The following LGR5 variants were observed in gnomAD, a reference collection of about 807,000 sequenced individuals.
The protein encoded by LGR5 is leucine-rich repeat-containing G protein-coupled receptor 5.
Under a neutral mutation model 76.7 loss-of-function variants are expected in LGR5, and 54 were observed. The ratio of observed to expected loss-of-function variants is 0.70; its 90% CI spans 0.57 to 0.88. The LOEUF is 0.88. Among genes scored for constraint, LGR5 ranks in the 40% least tolerant of loss-of-function variants. The probability of loss-of-function intolerance (pLI) is 0.00; values close to 1 mark genes in which losing one functional copy is unlikely to be tolerated. For missense variants in LGR5, 1,078 were observed against 1,073.3 expected (o/e 1.00, Z -0.06); for synonymous variants, 406 against 421.9 (o/e 0.96, Z 0.46).
At chr12:71,515,105 T>A (rs764936294) in intron 2 of LGR5, among the ~76,000 whole-genome samples, 3 of 152,236 alleles carry the variant, frequency 2.0e-5, no homozygotes, top group Non-Finnish European at 4.4e-5. Context: ...AGTCAATTGC[T>A]GCTGTCATGC....
chr12:71,440,019 C>A lies in LGR5; in HGVS notation c.-62C>A, dbSNP rs894517710. ...GGAGCGGCGCCCGGCGCGCCACGGC[C>A]CGTAGCAGTCCGGTGCTGCTCTCCG... is the stretch of plus-strand genomic sequence containing the variant. On this transcript the variant is annotated 5_prime_UTR_variant, in exon 1 of 18. Coordinates refer to ENST00000266674, the MANE Select transcript of LGR5 (RefSeq NM_003667.4). The surrounding 1 kb of genome is among the most constrained non-coding windows in gnomAD (Gnocchi z 5.3). The A allele has an allele frequency of 9.9e-5, 151 of 1,528,366 alleles. No homozygotes were observed. The highest frequency in any genetic ancestry group is 1.3e-4 in the Non-Finnish European group (140 of 1,118,746). The allele number at this position is 1,528,366 out of a possible 1,614,324, so 94.7% of individuals were successfully genotyped here.
intron 1 of LGR5, among the ~76,000 whole-genome samples, chr12:71,499,530 C>T (rs1206994531): frequency 6.6e-6 from 1 of 152,110 alleles, no homozygotes; most frequent in Non-Finnish European, 1.5e-5. Flanking sequence ...CCACATTAAA[C>T]CAGATTGTGA....
At chr12:71,554,996 C>T (rs1203210296) in intron 5 of LGR5, among the ~76,000 whole-genome samples, 5 of 152,132 alleles carry the variant, frequency 3.3e-5, no homozygotes, top group Non-Finnish European at 7.3e-5. Flanking sequence ...TCAATCATTC[C>T]ACTTGATGAC....
chr12:71,536,815 G>T (rs927247586), intron 4 of LGR5, among the ~76,000 whole-genome samples: 1 of 152,200 alleles, frequency 6.6e-6, no homozygotes, highest in Non-Finnish European at 1.5e-5. Flanking sequence ...GCCTGATAAA[G>T]GTGTTCAGAT....
intron 1 of LGR5, chr12:71,448,464 T>A (rs191366772): frequency 1.4e-3 from 218 of 152,338 alleles, no homozygotes; most frequent in African/African-American, 5.0e-3. Flanking sequence ...GAACTTCCAA[T>A]GTGTTGTGTT....
intron 1 of LGR5, among the ~76,000 whole-genome samples, chr12:71,491,745 T>C (rs755257813): frequency 6.7e-5 from 10 of 149,750 alleles, no homozygotes; most frequent in Non-Finnish European, 1.5e-4. Flanking sequence ...TATTGGCTCT[T>C]CTTATCAAGT....
At chr12:71,505,041 G>A (rs10506635) in intron 2 of LGR5, among the ~76,000 whole-genome samples, 7,616 of 152,206 alleles carry the variant, frequency 0.05, 241 homozygotes, top group Non-Finnish European at 0.074. Context: ...TATTAAAATC[G>A]CAAGTAAAGC....
intron 1 of LGR5, among the ~76,000 whole-genome samples, chr12:71,492,424 A>G (rs1274563520): frequency 6.6e-6 from 1 of 152,048 alleles, no homozygotes; most frequent in African/African-American, 2.4e-5. Context: ...TTGATTTGAA[A>G]CCCCCACCAC....
intron 1 of LGR5, among the ~76,000 whole-genome samples, chr12:71,502,351 C>T (rs1239999233): frequency 1.3e-5 from 2 of 152,004 alleles, no homozygotes; most frequent in South Asian, 2.1e-4. Flanking sequence ...GTGCCCACCA[C>T]CATGCCCGGC....
chr12:71,440,367 G>A lies in LGR5; in HGVS notation c.212+75G>A. Reference sequence around the variant, plus strand: ...AGGTTCGTCCAAGGCGAGGCTGGAGGCTCCTCGGCGCCCGCCTGCTCGTGG... The same window carrying A: ...AGGTTCGTCCAAGGCGAGGCTGGAGACTCCTCGGCGCCCGCCTGCTCGTGG... On this transcript the variant is annotated intron_variant, in intron 1 of 17. Coordinates refer to ENST00000266674, the MANE Select transcript of LGR5 (RefSeq NM_003667.4). This position sits in a 1 kb window ranked among gnomAD's most constrained non-coding sequence, Gnocchi z 5.3. 1 of 1,424,744 alleles carries A rather than the reference G, an allele frequency of 7.0e-7. No individual in the cohort carries two copies. Among genetic ancestry groups the A allele is most frequent in the Admixed American group, 1.8e-5 (1 of 54,394 alleles). The allele number at this position is 1,424,744 out of a possible 1,614,324, so 88.3% of individuals were successfully genotyped here. A position where few individuals can be genotyped will look rare whatever the true frequency, so the allele number is the denominator to read the frequency against.
At chr12:71,550,291 C>T (rs1877411838) in intron 4 of LGR5, among the ~76,000 whole-genome samples, 1 of 151,158 alleles carries the variant, frequency 6.6e-6, no homozygotes. Flanking sequence ...GCTGGGATTA[C>T]AGGCATGCAC....
intron 1 of LGR5, among the ~76,000 whole-genome samples, chr12:71,465,420 G>A (rs774788770): frequency 3.3e-5 from 5 of 152,012 alleles, no homozygotes; most frequent in East Asian, 3.9e-4. Flanking sequence ...TGTTTCAAAG[G>A]CTCCTTTAAC....
At chr12:71,500,253 AC>A (rs943738610) in intron 1 of LGR5, among the ~76,000 whole-genome samples, 2 of 152,312 alleles carry the variant, frequency 1.3e-5, no homozygotes, top group Admixed American at 1.3e-4. Flanking sequence ...AAGAAACAGT[AC>A]CTTTAATTAT....
intron 3 of LGR5, among the ~76,000 whole-genome samples, chr12:71,531,271 T>C (rs1876294544): frequency 6.6e-6 from 1 of 152,190 alleles, no homozygotes; most frequent in African/African-American, 2.4e-5. Context: ...AGCAGCCATG[T>C]GTAAATGTTT....
intron 16 of LGR5, among the ~76,000 whole-genome samples, chr12:71,581,846 A>T (rs1298673557): frequency 6.6e-6 from 1 of 152,168 alleles, no homozygotes; most frequent in African/African-American, 2.4e-5. Flanking sequence ...CACATATTAC[A>T]CTCACATAGC....
intron 4 of LGR5, among the ~76,000 whole-genome samples, chr12:71,549,467 G>A (rs1877368348): frequency 6.6e-6 from 1 of 152,158 alleles, no homozygotes; most frequent in Admixed American, 6.5e-5. Context: ...ACAAAAAAAT[G>A]TTAAGTATGT....
chr12:71,449,261 G>A (rs1872153038), intron 1 of LGR5, among the ~76,000 whole-genome samples: 1 of 152,162 alleles, frequency 6.6e-6, no homozygotes, highest in Non-Finnish European at 1.5e-5. Flanking sequence ...ATCAACTCCA[G>A]TCACCAAAAT....
At chr12:71,533,237 C>T (rs773594562) in intron 3 of LGR5, among the ~76,000 whole-genome samples, 4 of 151,956 alleles carry the variant, frequency 2.6e-5, no homozygotes, top group Non-Finnish European at 4.4e-5. Context: ...CCCAGCTACT[C>T]GGGAGGCTGA....
At chr12:71,523,428 A>T (rs1378716776) in intron 2 of LGR5, among the ~76,000 whole-genome samples, 1 of 152,094 alleles carries the variant, frequency 6.6e-6, no homozygotes, top group Non-Finnish European at 1.5e-5. Flanking sequence ...ACGCAGGAGG[A>T]TTGCTTGAGC....
Sources: allele counts gnomAD v4.1 joint callset (sites outside exome capture counted in the v4.1 genomes callset), GRCh38; gene constraint gnomAD v4.1.1; non-coding constraint Gnocchi (gnomAD v3.1); transcripts MANE v1.5; gene names NCBI Gene and HGNC (gene_info 2026-07-23, HGNC 2026-07-21).